MRPS35: variants seen among roughly 807,000 people sequenced by gnomAD.
The protein encoded by MRPS35 is mitochondrial ribosomal protein S35.
A neutral mutation model predicts 32.7 loss-of-function variants in MRPS35; 29 were observed. The observed-to-expected ratio is 0.89, with a 90% CI of 0.66 to 1.21. MRPS35 has a LOEUF of 1.21. MRPS35 is among the 50% of genes most tolerant of loss of function. The probability of loss-of-function intolerance (pLI) is 0.00; values close to 1 mark genes in which losing one functional copy is unlikely to be tolerated. For missense variants in MRPS35, 373 were observed against 383.8 expected, an observed-to-expected ratio of 0.97 and a Z score of 0.23; for synonymous variants, 148 against 139.3, an observed-to-expected ratio of 1.06 and a Z score of -0.44.
chr12:27,726,959 CCTT>C, intron 5 of MRPS35, among the ~76,000 whole-genome samples: 1 of 119,266 alleles, frequency 8.4e-6, no homozygotes, highest in East Asian at 2.4e-4. Context: ...TTGATGATGT[CCTT>C]TTTTTTTTTT....
chr12:27,727,781 C>T (rs2061906287), intron 5 of MRPS35, among the ~76,000 whole-genome samples: 2 of 152,046 alleles, frequency 1.3e-5, no homozygotes, highest in Admixed American at 6.5e-5. Context: ...AATTATCATA[C>T]AGTTGTTCCT....
chr12:27,745,091 A>G (rs2061977641), intron 7 of MRPS35, among the ~76,000 whole-genome samples: 2 of 152,170 alleles, frequency 1.3e-5, no homozygotes, highest in South Asian at 4.1e-4. Context: ...AAGTAGGACT[A>G]CAGGTGTGCC....
In MRPS35 at chr12:27,740,363, G is replaced by A. The variant is rs549427695; in HGVS notation, c.702+2755G>A. Among the ~76,000 whole-genome samples the A allele has an allele frequency of 3.6e-4, 55 of 151,532 alleles. 1 individual carries two copies. In the South Asian group the frequency reaches 9.2e-3, roughly 25 times the overall value. The stretch of plus-strand genomic sequence containing the variant: ...GCTCACTGCAGCCTTGGCCTCCTGC[G>A]TTCAAGTGACCCTCCCACCTCAGCC... On this transcript the variant is annotated intron_variant, in intron 7 of 7. Coordinates refer to ENST00000081029, the MANE Select transcript of MRPS35 (RefSeq NM_021821.4).
intron 7 of MRPS35, among the ~76,000 whole-genome samples, chr12:27,751,113 A>AG (rs1304111759): frequency 6.6e-6 from 1 of 150,404 alleles, no homozygotes; most frequent in Non-Finnish European, 1.5e-5. Flanking sequence ...AAAAAAAAAA[A>AG]AAAAAAAAAA....
At position 27,716,274 on chromosome 12, in the gene MRPS35, G is replaced by A. The variant is rs762478035; in HGVS notation, c.154-17G>A. ...TGTGTTTATATTTAAAATACTAAAC[G>A]ATTTTATATTTCTTAGGCACTACCT... On this transcript the variant is annotated splice_polypyrimidine_tract_variant and intron_variant, in intron 2 of 7. Coordinates refer to ENST00000081029, the MANE Select transcript of MRPS35 (RefSeq NM_021821.4). The A allele has an allele frequency of 1.1e-5, 16 of 1,518,644 alleles. No individual in the cohort carries two copies. Among genetic ancestry groups the A allele is most frequent in the Non-Finnish European group, 1.2e-5 (14 of 1,134,944 alleles). The allele number at this position is 1,518,644 out of a possible 1,614,324, so 94.1% of individuals were successfully genotyped here.
intron 5 of MRPS35, among the ~76,000 whole-genome samples, chr12:27,725,167 C>T (rs141538756): frequency 2.0e-5 from 3 of 152,200 alleles, no homozygotes; most frequent in East Asian, 1.9e-4. Context: ...TTCCCACTTC[C>T]GCCTCCCAAA....
intron 5 of MRPS35, among the ~76,000 whole-genome samples, chr12:27,724,700 T>G (rs2140761567): frequency 6.6e-6 from 1 of 151,628 alleles, no homozygotes; most frequent in South Asian, 2.1e-4. Flanking sequence ...CTGAGATCGC[T>G]CCACTGCACT....
At chr12:27,722,127 A>G (rs1485049094) in intron 4 of MRPS35, among the ~76,000 whole-genome samples, 1 of 152,312 alleles carries the variant, frequency 6.6e-6, no homozygotes, top group East Asian at 1.9e-4. Context: ...GAGTGTCTTA[A>G]TCTTTCCTTA....
At chr12:27,748,258 T>TC (rs1565471739) in intron 7 of MRPS35, among the ~76,000 whole-genome samples, 4 of 152,220 alleles carry the variant, frequency 2.6e-5, no homozygotes, top group Non-Finnish European at 4.4e-5. Flanking sequence ...GACTGAATGT[T>TC]CCCAGAGAAC....
chr12:27,725,455 A>T (rs945324369), intron 5 of MRPS35: 2 of 152,954 alleles, frequency 1.3e-5, no homozygotes, highest in African/African-American at 4.8e-5. Context: ...GAATATTCTT[A>T]GGTATTAATA....
chr12:27,732,104 G>A (rs936316681), intron 5 of MRPS35, among the ~76,000 whole-genome samples: 2 of 152,122 alleles, frequency 1.3e-5, no homozygotes, highest in African/African-American at 4.8e-5. Context: ...CATATTAAAT[G>A]TTACCTATTT....
At chr12:27,718,962 C>T (rs548600647) in intron 3 of MRPS35, among the ~76,000 whole-genome samples, 3 of 152,242 alleles carry the variant, frequency 2.0e-5, no homozygotes, top group Admixed American at 2.0e-4. Context: ...TGGCACATGC[C>T]TGTAATCCCA....
chr12:27,723,474 T>A (rs1311364632), intron 4 of MRPS35, among the ~76,000 whole-genome samples: 1 of 152,120 alleles, frequency 6.6e-6, no homozygotes, highest in Admixed American at 6.5e-5. Context: ...AGAAGTCACA[T>A]AGAAAAAATA....
intron 5 of MRPS35, among the ~76,000 whole-genome samples, chr12:27,728,944 G>T (rs1268721207): frequency 1.3e-5 from 2 of 152,074 alleles, no homozygotes; most frequent in Non-Finnish European, 2.9e-5. Flanking sequence ...TGCATCAGGG[G>T]CACGTAAAGT....
rs201731227 is a variant in MRPS35 at position 27,741,769 on chromosome 12, G to GA, written c.702+4169dup. On this transcript the variant is annotated intron_variant, in intron 7 of 7. Coordinates refer to ENST00000081029, the MANE Select transcript of MRPS35 (RefSeq NM_021821.4). ...AGATGAGCACAAATACTGGGGAAGA[G>GA]AAAAAAAACAGTTGCTTTAGAAAAG... Among the ~76,000 whole-genome samples the GA allele has an allele frequency of 1.1e-4, 17 of 151,730 alleles. No individual in the cohort carries two copies. In the East Asian group the frequency reaches 2.9e-3, roughly 26 times the overall value.
At chr12:27,733,234 T>A (rs1028721454) in intron 5 of MRPS35, among the ~76,000 whole-genome samples, 3 of 152,076 alleles carry the variant, frequency 2.0e-5, no homozygotes, top group Non-Finnish European at 4.4e-5. Context: ...TTGCAGTGCC[T>A]TTGAGTGCTA....
At position 27,731,116 on chromosome 12, in the gene MRPS35, A is replaced by G. The variant is rs546224775; in HGVS notation, c.523-4331A>G. ...TTTTGCTCAAATTGTTCTGAGTTTA[A>G]CCATTGGGAACTCTTTCCAGTGACT... On this transcript the variant is annotated intron_variant, in intron 5 of 7. Transcript: ENST00000081029. 3.5e-4 allele frequency among the ~76,000 whole-genome samples: 53 copies of G among 152,320 alleles called. 1 individual carries two copies. The highest frequency in any genetic ancestry group is 1.2e-3 in the African/African-American group (49 of 41,576).
Position 27,724,202 on chromosome 12 carries a change from A to T in MRPS35, c.522+16A>T, listed in dbSNP as rs765025096. On this transcript the variant is annotated intron_variant, in intron 5 of 7. Transcript: ENST00000081029. Reference sequence around the variant, plus strand: ...AGTCTTAAGAGTAAGAGTTTTTTTCATTTTTTTTTTTTAAATAAGAATCAT... The same window carrying T: ...AGTCTTAAGAGTAAGAGTTTTTTTCTTTTTTTTTTTTTAAATAAGAATCAT... The T allele has an allele frequency of 1.5e-5, 18 of 1,219,676 alleles. No homozygotes were observed. The highest frequency in any genetic ancestry group is 9.6e-5 in the African/African-American group (6 of 62,658). 75.6% of individuals were successfully genotyped at this position (1,219,676 alleles called of 1,614,324 possible).
At chr12:27,729,304 A>C (rs1053655071) in intron 5 of MRPS35, among the ~76,000 whole-genome samples, 1 of 152,100 alleles carries the variant, frequency 6.6e-6, no homozygotes, top group East Asian at 1.9e-4. Flanking sequence ...GCCAGTGGAC[A>C]GTGGTGTTTA....
Sources: allele counts gnomAD v4.1 joint callset (sites outside exome capture counted in the v4.1 genomes callset), GRCh38; gene constraint gnomAD v4.1.1; transcripts MANE v1.5; gene names NCBI Gene and HGNC (gene_info 2026-07-23, HGNC 2026-07-21).